The following ADAM19 variants were observed in gnomAD, a reference collection of about 807,000 sequenced individuals.
The protein encoded by ADAM19 is disintegrin and metalloproteinase domain-containing protein 19.
A neutral mutation model predicts 114.7 loss-of-function variants in ADAM19; 65 were observed. That is an observed-to-expected ratio of 0.57 (90% CI 0.46 to 0.70). ADAM19 has a LOEUF of 0.70. Among genes scored for constraint, ADAM19 ranks in the 30% least tolerant of loss-of-function variants. ADAM19 has a pLI of 0.00. For missense variants in ADAM19, 1,063 were observed against 1,204.7 expected (o/e 0.88, Z 1.74); for synonymous variants, 466 against 460.5 (o/e 1.01, Z -0.15).
intron 7 of ADAM19, among the ~76,000 whole-genome samples, chr5:157,514,436 C>T (rs1028988519): frequency 6.6e-6 from 1 of 151,488 alleles, no homozygotes; most frequent in African/African-American, 2.4e-5. Context: ...AAGCGATTCT[C>T]CTGCCTCAGC....
intron 3 of ADAM19, among the ~76,000 whole-genome samples, chr5:157,562,715 G>A (rs115663659): frequency 0.014 from 2,111 of 152,240 alleles, 44 homozygotes; most frequent in African/African-American, 0.048. Flanking sequence ...CAAAACTTCT[G>A]CATCCATAAT....
At chr5:157,564,060 A>G (rs1757585512) in intron 3 of ADAM19, among the ~76,000 whole-genome samples, 1 of 152,214 alleles carries the variant, frequency 6.6e-6, no homozygotes, top group African/African-American at 2.4e-5. Flanking sequence ...GGCAGCTGCC[A>G]AAGACCTCTG....
Position 157,477,390 on chromosome 5 carries a change from G to T in ADAM19, c.*3559C>A. The T allele has an allele frequency of 9.9e-7, 1 of 1,012,134 alleles. No individual in the cohort carries two copies. Among genetic ancestry groups the T allele is most frequent in the Non-Finnish European group, 1.2e-6 (1 of 844,416 alleles). The allele number at this position is 1,012,134 out of a possible 1,614,324, so 62.7% of individuals were successfully genotyped here. On this transcript the variant is annotated 3_prime_UTR_variant, in exon 23 of 23. Transcript: ENST00000257527. ...ATGGCCCATTCAAGTATTTTGCATA[G>T]ATGTACAAATATTGTAAACAATTAA...
chr5:157,480,964 A>G lies in ADAM19; in HGVS notation c.2742T>C (p.Ile914=). ...TTGGACAGGTCTAGATTTTCGAGCT[A>G]ATCATCCCTCCAGCCCTCTGTGATC... The part of the protein sequence containing the change: ...EYRSQRAGGM[I]SSKI The change falls in exon 23 of 23, where the codon ATT becomes ATC. Residue 914 remains isoleucine, a synonymous_variant. Coordinates refer to ENST00000257527, the MANE Select transcript of ADAM19 (RefSeq NM_033274.5). The G allele has an allele frequency of 6.2e-7, 1 of 1,614,160 alleles. No homozygotes were observed. Among genetic ancestry groups the G allele is most frequent in the Non-Finnish European group, 8.5e-7 (1 of 1,180,016 alleles).
chr5:157,493,031 T>A lies in ADAM19; in HGVS notation c.1850A>T (p.Glu617Val). 6.2e-7 allele frequency: 1 copy of A among 1,614,180 alleles called. No individual in the cohort carries two copies. The highest frequency in any genetic ancestry group is 8.5e-7 in the Non-Finnish European group (1 of 1,180,024). ...GTHVYRGPEE[E>V]GDMLDPGLVM... ...CAGCCCTGGGTCCAGCATGTCACCC[T>A]CCTCCTCAGGACCTCGGTAGACGTG... is the stretch of plus-strand genomic sequence containing the variant. Residue 617 changes from glutamate to valine, a missense_variant, in exon 16 of 23, where the codon GAG becomes GTG. Around this residue, in one of 3 missense-constraint regions of ADAM19, gnomAD observed 424 missense variants for 445.5 expected, o/e 0.95. Transcript: ENST00000257527.
chr5:157,556,209 C>CTTTTTTTTTTTTTTT (rs68078503), intron 3 of ADAM19, among the ~76,000 whole-genome samples: 8 of 66,330 alleles, frequency 1.2e-4, no homozygotes, highest in Non-Finnish European at 1.6e-4. Flanking sequence ...TTTTCTTTTT[C>CTTTTTTTTTTTTTTT]TTTTTTTTTT....
intron 3 of ADAM19, among the ~76,000 whole-genome samples, chr5:157,545,222 AGATCATAGTG>A (rs1266420193): frequency 6.6e-6 from 1 of 152,234 alleles, no homozygotes; most frequent in African/African-American, 2.4e-5. Context: ...AAGCCCTCAT[AGATCATAGTG>A]GATACCTATT....
Position 157,497,025 on chromosome 5 carries a change from G to T in ADAM19, c.1463C>A (p.Thr488Lys). The T allele has an allele frequency of 3.8e-6, 6 of 1,585,050 alleles. No individual in the cohort carries two copies. The highest frequency in any genetic ancestry group is 1.2e-5 in the South Asian group (1 of 86,702). The change falls in exon 14 of 23, where the codon ACG becomes AAG. Residue 488 changes from threonine (T) to lysine (K), a missense_variant. Transcript: ENST00000257527. ...ARQCDLPEFC[T>K]GKSPHCPTNF... Reference sequence around the variant, plus strand: ...GGTAGGGCAGTGGGGAGACTTGCCCGTACAGAACTCCGGGAGGTCACACTG... The same window carrying T: ...GGTAGGGCAGTGGGGAGACTTGCCCTTACAGAACTCCGGGAGGTCACACTG...
At chr5:157,481,535 C>T in intron 22 of ADAM19, 1 of 1,369,264 alleles carries the variant, frequency 7.3e-7, no homozygotes, top group Admixed American at 2.5e-5. Flanking sequence ...TGCTCAGGGT[C>T]CCTCCCCAGG....
chr5:157,499,773 C>CGT, intron 12 of ADAM19, 111 bp from the exon 13 acceptor site: 1 of 419,702 alleles, frequency 2.4e-6, no homozygotes, highest in Non-Finnish European at 4.2e-6. Context: ...GCAACTATCT[C>CGT]TTTTTTTTTT....
chr5:157,533,951 A>G (rs1756693027), intron 4 of ADAM19, among the ~76,000 whole-genome samples: 1 of 151,896 alleles, frequency 6.6e-6, no homozygotes, highest in Non-Finnish European at 1.5e-5. Flanking sequence ...CTGGTGACCG[A>G]GCGAGACTCT....
intron 3 of ADAM19, among the ~76,000 whole-genome samples, chr5:157,546,634 G>C (rs1025043528): frequency 5.3e-5 from 8 of 152,204 alleles, no homozygotes; most frequent in Admixed American, 2.0e-4. Flanking sequence ...TCTCCAGAAG[G>C]GGGGCCTTGG....
intron 4 of ADAM19, among the ~76,000 whole-genome samples, chr5:157,534,437 C>A (rs1414057692): frequency 6.6e-6 from 1 of 152,180 alleles, no homozygotes; most frequent in Non-Finnish European, 1.5e-5. Context: ...TACTGCACTC[C>A]AGTGTGGGCA....
At chr5:157,546,183 C>G (rs1757042992) in intron 3 of ADAM19, among the ~76,000 whole-genome samples, 1 of 152,212 alleles carries the variant, frequency 6.6e-6, no homozygotes, top group Non-Finnish European at 1.5e-5. Context: ...CTGTCTGGTC[C>G]CCAGAAGGCA....
chr5:157,530,202 T>A (rs1048750729), intron 5 of ADAM19, among the ~76,000 whole-genome samples: 1 of 146,656 alleles, frequency 6.8e-6, no homozygotes, highest in East Asian at 2.0e-4. Context: ...CAATCCAGAG[T>A]CCATACCCTA....
chr5:157,549,503 T>C (rs1253263266), intron 3 of ADAM19, among the ~76,000 whole-genome samples: 1 of 152,146 alleles, frequency 6.6e-6, no homozygotes, highest in South Asian at 2.1e-4. Flanking sequence ...TCTCCATTCA[T>C]CTCATCTCCC....
chr5:157,507,219 TC>T, intron 9 of ADAM19, 79 bp from the exon 10 acceptor site: 1 of 1,428,484 alleles, frequency 7.0e-7, no homozygotes, highest in Non-Finnish European at 9.8e-7. Flanking sequence ...TAAGTGGCCA[TC>T]ACGGGGTTCC....
intron 22 of ADAM19, chr5:157,481,410 A>G (rs1050366642): frequency 3.2e-6 from 2 of 615,602 alleles, no homozygotes; most frequent in Non-Finnish European, 5.6e-6. Context: ...AGCCTCCCGC[A>G]GGCCAGGTGG....
Position 157,479,054 on chromosome 5 carries a change from A to G in ADAM19, c.*1895T>C. On this transcript the variant is annotated 3_prime_UTR_variant, in exon 23 of 23. Transcript: ENST00000257527. ...GGAACCAAGCCTTGAGGCAGAGGGT[A>G]GCACATTTAAATAAAAGGTTGGGCC... 2 of 985,874 alleles carry G rather than the reference A, an allele frequency of 2.0e-6. No individual in the cohort carries two copies. Among genetic ancestry groups the G allele is most frequent in the Non-Finnish European group, 2.4e-6 (2 of 829,960 alleles). 61.1% of individuals were successfully genotyped at this position (985,874 alleles called of 1,614,324 possible). A position where few individuals can be genotyped will look rare whatever the true frequency, so the allele number is the denominator to read the frequency against.
Sources: allele counts gnomAD v4.1 joint callset (sites outside exome capture counted in the v4.1 genomes callset), GRCh38; gene constraint gnomAD v4.1.1; regional missense constraint gnomAD v4.1.1; transcripts MANE v1.5; gene names NCBI Gene and HGNC (gene_info 2026-07-23, HGNC 2026-07-21).